The following HSPD1 variants were observed in gnomAD, a reference collection of about 807,000 sequenced individuals.
HSPD1 encodes the protein 60 kDa heat shock protein, mitochondrial.
A neutral mutation model predicts 53.0 loss-of-function variants in HSPD1; 3 were observed. That is an observed-to-expected ratio of 0.06 (90% confidence interval 0.03 to 0.15). HSPD1 has a LOEUF of 0.15. Ranked by LOEUF, HSPD1 falls within the 10% of genes least tolerant of loss-of-function variation. The pLI, the probability that HSPD1 is intolerant of heterozygous loss-of-function variation, is 1.00. For missense variants in HSPD1, 431 were observed against 694.1 expected, an observed-to-expected ratio of 0.62 and a Z score of 4.26; for synonymous variants, 200 against 228.0, an observed-to-expected ratio of 0.88 and a Z score of 1.10.
At chr2:197,495,255 A>T in intron 4 of HSPD1, 39 bp downstream of exon 4, 5 of 1,257,800 alleles carry the variant, frequency 4.0e-6, no homozygotes, top group Non-Finnish European at 5.8e-6. Flanking sequence ...CATGCCATTA[A>T]ATTTTTTTTA....
intron 5 of HSPD1, 122 bp from the exon 6 acceptor site, chr2:197,494,372 G>T: frequency 5.9e-6 from 4 of 682,976 alleles, no homozygotes; most frequent in Non-Finnish European, 1.1e-5. Context: ...GTATGAAACA[G>T]CCCAGGACAT....
At chr2:197,490,174 A>G (rs760548204) in intron 8 of HSPD1, 23 bp downstream of exon 8, 33 of 1,467,956 alleles carry the variant, frequency 2.2e-5, no homozygotes, top group Non-Finnish European at 3.1e-5. Context: ...TCAGCAAACC[A>G]TTATCACATT....
At chr2:197,494,967 T>C in intron 4 of HSPD1, 1 of 603,748 alleles carries the variant, frequency 1.7e-6, no homozygotes, top group African/African-American at 1.9e-5. Context: ...TACATAAAAC[T>C]ATTCTTGTAA....
chr2:197,487,759 A>G, intron 11 of HSPD1, 99 bp downstream of exon 11: 1 of 943,216 alleles, frequency 1.1e-6, no homozygotes, highest in South Asian at 1.4e-5. Context: ...TACTGCTATT[A>G]GACTATTTTT....
At chr2:197,495,928 C>G (rs1321828694) in intron 3 of HSPD1, among the ~76,000 whole-genome samples, 1 of 152,132 alleles carries the variant, frequency 6.6e-6, no homozygotes, top group East Asian at 1.9e-4. Context: ...TGTGTAGTTT[C>G]AAAAGTCTCA....
Position 197,487,122 on chromosome 2 carries a change from A to G in HSPD1, c.1646T>C (p.Ile549Thr), listed in dbSNP as rs2086036229. ...TCCAGGGTCCTTCTCTTCTTTAGGA[A>G]TTTCTGTGACTACAACTTCTGCTGT... ...LTTAEVVVTE[I>T]PKEEKDPGMG... The change falls in exon 12 of 12, where the codon ATT becomes ACT. Residue 549 changes from isoleucine to threonine, a missense_variant. This residue lies in a region of HSPD1 where 386 missense variants were observed against 657.6 expected (regional missense o/e 0.59). Coordinates refer to ENST00000388968, the MANE Select transcript of HSPD1 (RefSeq NM_002156.5). The G allele has an allele frequency of 1.9e-6, 3 of 1,587,180 alleles. No individual in the cohort carries two copies. The highest frequency in any genetic ancestry group is 2.6e-6 in the Non-Finnish European group (3 of 1,155,934).
intron 9 of HSPD1, among the ~76,000 whole-genome samples, chr2:197,488,773 C>A (rs1412810767): frequency 6.6e-6 from 1 of 152,186 alleles, no homozygotes; most frequent in Admixed American, 6.5e-5. Context: ...GAGGCCAAGG[C>A]AGGAGATTCG....
At chr2:197,499,219 A>C in intron 1 of HSPD1, 1 of 363,742 alleles carries the variant, frequency 2.7e-6, no homozygotes, top group Admixed American at 4.4e-5. Context: ...GAGGCAAGTT[A>C]CAAATCCAAG....
At chr2:197,493,527 A>G in intron 6 of HSPD1, 35 bp from the exon 7 acceptor site, 1 of 1,459,374 alleles carries the variant, frequency 6.9e-7, no homozygotes, top group Non-Finnish European at 9.6e-7. Flanking sequence ...AAATATACAA[A>G]AAATGACTGC....
rs1479585915 is a variant in HSPD1, at chr2:197,489,037, G to A, written c.1180C>T (p.Leu394Phe). 1.2e-6 allele frequency: 2 copies of A among 1,613,908 alleles called. No individual in the cohort carries two copies. The highest frequency in any genetic ancestry group is 1.7e-6 in the Non-Finnish European group (2 of 1,179,816). ...EYEKEKLNER[L>F]AKLSDGVAVL... ...GCCACTCCATCTGAAAGTTTTGCAAGCCGTTCATTCAGTTTTTCCTTTTCA... is the reference window on the plus strand; with the variant it reads ...GCCACTCCATCTGAAAGTTTTGCAAACCGTTCATTCAGTTTTTCCTTTTCA... Residue 394 changes from leucine to phenylalanine, a missense_variant, in exon 9 of 12, where the codon CTT becomes TTT. This residue lies in a region of HSPD1 where 386 missense variants were observed against 657.6 expected (regional missense o/e 0.59). Coordinates refer to ENST00000388968, the MANE Select transcript of HSPD1 (RefSeq NM_002156.5).
intron 5 of HSPD1, 49 bp downstream of exon 5, chr2:197,494,608 T>G: frequency 2.3e-6 from 2 of 854,268 alleles, no homozygotes; most frequent in Non-Finnish European, 3.5e-6. Context: ...CTCAAACTTT[T>G]GATCATAAGA....
In HSPD1 at chr2:197,496,841, CAGG is replaced by C. The variant is rs1353186013; in HGVS notation, c.427+296_427+298del. 1.7e-4 allele frequency: 68 copies of C among 410,980 alleles called. 2 individuals carry two copies. The East Asian group carries it at 3.5e-3, about 21-fold the overall frequency. The allele number at this position is 410,980 out of a possible 1,614,324, so 25.5% of individuals were successfully genotyped here. A position where few individuals can be genotyped will look rare whatever the true frequency, so the allele number is the denominator to read the frequency against. The stretch of plus-strand genomic sequence containing the variant: ...AGTCCCAGCTACTTGGAGGCTGAGG[CAGG>C]AGGATTGCTTGAGCCCAGGAGTTCC... On this transcript the variant is annotated intron_variant, in intron 3 of 11. Coordinates refer to ENST00000388968, the MANE Select transcript of HSPD1 (RefSeq NM_002156.5).
rs1193647089 is a variant in HSPD1, at chr2:197,494,763, C to G, written c.511-11G>C. On this transcript the variant is annotated splice_polypyrimidine_tract_variant and intron_variant, in intron 4 of 11. Coordinates refer to ENST00000388968, the MANE Select transcript of HSPD1 (RefSeq NM_002156.5). ...AGAAATCGTAGCAACCTGAAATAAT[C>G]CAGTTACTCTTCGAAATTAAAAGGT... The G allele has an allele frequency of 6.4e-7, 1 of 1,571,442 alleles. No individual in the cohort carries two copies. The highest frequency in any genetic ancestry group is 1.1e-5 in the South Asian group (1 of 90,184).
At chr2:197,500,157 C>G, upstream of HSPD1, 1 of 545,240 alleles carries the variant, frequency 1.8e-6, no homozygotes, top group South Asian at 2.3e-5. Flanking sequence ...GTAGTTCTTT[C>G]ACCTCGGCTG....
chr2:197,494,939 T>C (rs910297185), intron 4 of HSPD1, 187 bp from the exon 5 acceptor site: 16 of 630,236 alleles, frequency 2.5e-5, no homozygotes, highest in East Asian at 2.5e-4. Context: ...TTTGACTACA[T>C]TGTTTTGAAG....
chr2:197,494,108 G>T, intron 6 of HSPD1, 49 bp downstream of exon 6: 1 of 929,762 alleles, frequency 1.1e-6, no homozygotes, highest in Non-Finnish European at 1.8e-6. Context: ...ATGAGACTCT[G>T]TCTAAAATAA....
chr2:197,489,450 G>GT (rs755167401), intron 8 of HSPD1, among the ~76,000 whole-genome samples: 7 of 152,064 alleles, frequency 4.6e-5, no homozygotes, highest in Non-Finnish European at 7.4e-5. Flanking sequence ...CACAACTGTG[G>GT]TAATTATTAC....
intron 10 of HSPD1, 108 bp downstream of exon 10, chr2:197,488,207 TTC>T: frequency 9.4e-7 from 1 of 1,063,722 alleles, no homozygotes; most frequent in Admixed American, 2.0e-5. Context: ...ACTATTCTAC[TTC>T]TGTTATTCAG....
chr2:197,490,590 C>A, intron 7 of HSPD1: 1 of 378,458 alleles, frequency 2.6e-6, no homozygotes, highest in South Asian at 2.4e-5. Context: ...CGGCACTTTG[C>A]AAGGCCCAGG....
Sources: allele counts gnomAD v4.1 joint callset (sites outside exome capture counted in the v4.1 genomes callset), GRCh38; gene constraint gnomAD v4.1.1; regional missense constraint gnomAD v4.1.1; transcripts MANE v1.5; gene names NCBI Gene and HGNC (gene_info 2026-07-23, HGNC 2026-07-21).